Variants in ATP5F1C observed in about 807,000 individuals in gnomAD.
ATP5F1C encodes ATP synthase F(1) complex subunit gamma, mitochondrial.
Under a neutral mutation model 37.4 loss-of-function variants are expected in ATP5F1C, and 22 were observed. That is an observed-to-expected ratio of 0.59 (90% CI 0.42 to 0.84). The LOEUF is 0.84. Ranked by LOEUF, ATP5F1C falls within the 40% of genes least tolerant of loss-of-function variation. The probability of loss-of-function intolerance (pLI) is 0.00; values close to 1 mark genes in which losing one functional copy is unlikely to be tolerated. For missense variants in ATP5F1C, 286 were observed against 362.4 expected, an observed-to-expected ratio of 0.79 and a Z score of 1.71; for synonymous variants, 121 against 128.0, an observed-to-expected ratio of 0.95 and a Z score of 0.37.
chr10:7,805,076 C>T (rs565839245), intron 8 of ATP5F1C, among the ~76,000 whole-genome samples: 1 of 152,314 alleles, frequency 6.6e-6, no homozygotes, highest in East Asian at 1.9e-4. Context: ...CTAACCCATT[C>T]ACAGCCTGGT....
chr10:7,789,276 C>T lies in ATP5F1C; in HGVS notation c.56+1013C>T, dbSNP rs187545730. On this transcript the variant is annotated intron_variant, in intron 1 of 9. Coordinates refer to ENST00000356708, the MANE Select transcript of ATP5F1C (RefSeq NM_001001973.3). ...ATTTCTAAGGCGCTACAGTGCTAAA[C>T]TAGATTTTCGTATCCTAATTTATAT... Among the ~76,000 whole-genome samples the T allele has an allele frequency of 1.2e-4, 18 of 152,234 alleles. No individual in the cohort carries two copies. The East Asian group carries it at 3.3e-3, about 28-fold the overall frequency.
chr10:7,791,438 A>G (rs1436574290), intron 1 of ATP5F1C, among the ~76,000 whole-genome samples: 4 of 152,214 alleles, frequency 2.6e-5, no homozygotes, highest in African/African-American at 9.6e-5. Context: ...TTCGTTGAGA[A>G]TTAGCCAATA....
At position 7,792,214 on chromosome 10, in the gene ATP5F1C, C is replaced by T. The variant is rs191429470; in HGVS notation, c.57-3907C>T. The stretch of plus-strand genomic sequence containing the variant: ...TGTGCTCTGAAATAACAGAGCTTGT[C>T]AGGATTTGCCAGCTTTTATCTTTTC... On this transcript the variant is annotated intron_variant, in intron 1 of 9. Transcript: ENST00000356708. Among the ~76,000 whole-genome samples, 7 of 152,296 alleles carry T rather than the reference C, an allele frequency of 4.6e-5. No homozygotes were observed. The East Asian group carries it at 1.3e-3, about 29-fold the overall frequency.
In ATP5F1C at chr10:7,799,925, AT is replaced by A; in HGVS notation, c.572+13del. On this transcript the variant is annotated intron_variant, in intron 5 of 9. Coordinates refer to ENST00000356708, the MANE Select transcript of ATP5F1C (RefSeq NM_001001973.3). ...TCTTTAATAAATTCAGGCAAGACAG[AT>A]TTAGAAATCAAAGCTTTTTTATGTT... The A allele has an allele frequency of 6.2e-7, 1 of 1,608,190 alleles. No homozygotes were observed. The highest frequency in any genetic ancestry group is 8.5e-7 in the Non-Finnish European group (1 of 1,177,588).
At chr10:7,806,027 G>A (rs1137808) in intron 8 of ATP5F1C, among the ~76,000 whole-genome samples, 32,778 of 152,068 alleles carry the variant, frequency 0.22, 3,662 homozygotes, top group Admixed American at 0.26. Flanking sequence ...TTTAGGCTGC[G>A]GTGAGCTATG....
At chr10:7,789,429 C>T (rs1364223870) in intron 1 of ATP5F1C, among the ~76,000 whole-genome samples, 1 of 150,564 alleles carries the variant, frequency 6.6e-6, no homozygotes, top group Non-Finnish European at 1.5e-5. Flanking sequence ...GGTGGCTTGG[C>T]CTTGGAAGTC....
At chr10:7,798,533 A>C (rs1027248586) in intron 3 of ATP5F1C, among the ~76,000 whole-genome samples, 5 of 152,100 alleles carry the variant, frequency 3.3e-5, no homozygotes, top group African/African-American at 1.2e-4. Flanking sequence ...CAGCCTCCCA[A>C]GTAGCTGGGG....
chr10:7,797,431 C>T (rs1343711635), intron 3 of ATP5F1C, among the ~76,000 whole-genome samples: 1 of 152,164 alleles, frequency 6.6e-6, no homozygotes, highest in Non-Finnish European at 1.5e-5. Flanking sequence ...TGCCTAAGAT[C>T]ACATATAAAA....
chr10:7,799,081 T>C lies in ATP5F1C; in HGVS notation c.315T>C (p.Ala105=), dbSNP rs1280567672. The part of the protein sequence containing the change: ...GVSSDRGLCG[A]IHSSIAKQMK... ...CCTCAGATCGAGGACTGTGTGGTGC[T>C]ATTCATTCCTCCATTGCTAAACAGA... Residue 105 remains alanine, a synonymous_variant, in exon 4 of 10, where the codon GCT becomes GCC. Transcript: ENST00000356708. The C allele has an allele frequency of 1.9e-6, 3 of 1,613,608 alleles. No homozygotes were observed. The highest frequency in any genetic ancestry group is 2.5e-6 in the Non-Finnish European group (3 of 1,179,894).
chr10:7,802,690 A>T (rs908259723), intron 7 of ATP5F1C, 68 bp from the exon 8 acceptor site: 2 of 1,487,568 alleles, frequency 1.3e-6, no homozygotes, highest in African/African-American at 2.8e-5. Context: ...TAAGCAACAG[A>T]AGTTAGTTAA....
chr10:7,804,992 T>C (rs2131078016), intron 8 of ATP5F1C, among the ~76,000 whole-genome samples: 1 of 152,328 alleles, frequency 6.6e-6, no homozygotes. Context: ...TGTAAGTTGT[T>C]AGTTGGATCC....
intron 4 of ATP5F1C, 63 bp downstream of exon 4, chr10:7,799,257 A>G: frequency 1.3e-6 from 2 of 1,493,318 alleles, no homozygotes; most frequent in Non-Finnish European, 1.8e-6. Context: ...CTTCTCTCAA[A>G]AGTTTTGACA....
In ATP5F1C at chr10:7,799,065, G is replaced by A. The variant is rs779418514; in HGVS notation, c.299G>A (p.Arg100Gln). 3 of 1,613,230 alleles carry A rather than the reference G, an allele frequency of 1.9e-6. No homozygotes were observed. The highest frequency in any genetic ancestry group is 1.7e-6 in the Non-Finnish European group (2 of 1,179,882). The change falls in exon 4 of 10, where the codon CGA (arginine) becomes CAA (glutamine). Residue 100 changes from arginine (R) to glutamine (Q), a missense_variant. Physicochemically the swap from Arg to Gln is conservative, Grantham distance 43 (BLOSUM62 1). Transcript: ENST00000356708. ...CTCCTTATTGGTGTGTCCTCAGATC[G>A]AGGACTGTGTGGTGCTATTCATTCC... is the stretch of plus-strand genomic sequence containing the variant. ...KHLLIGVSSD[R>Q]GLCGAIHSSI...
At chr10:7,792,500 C>T (rs528883410) in intron 1 of ATP5F1C, among the ~76,000 whole-genome samples, 1 of 152,188 alleles carries the variant, frequency 6.6e-6, no homozygotes, top group Non-Finnish European at 1.5e-5. Flanking sequence ...CTTCACTGCC[C>T]TAAAAATCCC....
intron 1 of ATP5F1C, among the ~76,000 whole-genome samples, chr10:7,793,863 T>C (rs1439727070): frequency 2.6e-5 from 4 of 152,224 alleles, no homozygotes; most frequent in Non-Finnish European, 5.9e-5. Flanking sequence ...CCAGTGCCAT[T>C]TGTTTGTTGA....
At chr10:7,790,879 G>C (rs968410876) in intron 1 of ATP5F1C, among the ~76,000 whole-genome samples, 10 of 152,216 alleles carry the variant, frequency 6.6e-5, no homozygotes, top group African/African-American at 2.4e-4. Context: ...AAGCATGTAG[G>C]ACAATGGGGG....
chr10:7,806,177 C>T (rs1836476347), intron 8 of ATP5F1C, among the ~76,000 whole-genome samples: 1 of 152,160 alleles, frequency 6.6e-6, no homozygotes, highest in Non-Finnish European at 1.5e-5. Context: ...GGTTGGATTG[C>T]TTGTGAATGG....
At chr10:7,796,891 C>G in intron 2 of ATP5F1C, 156 bp from the exon 3 acceptor site, 1 of 837,840 alleles carries the variant, frequency 1.2e-6, no homozygotes, top group African/African-American at 1.7e-5. Flanking sequence ...GCTATTAGTA[C>G]TAGTTCTAAT....
rs183456368 is a variant in ATP5F1C at position 7,803,596 on chromosome 10, C to T, written c.890+742C>T. ...AGGGCCAACTATATACTGCTTTCCT[C>T]AAGAAAATTTCTTAGTTGTTGAAAA... On this transcript the variant is annotated intron_variant, in intron 8 of 9. Transcript: ENST00000356708. Among the ~76,000 whole-genome samples the T allele has an allele frequency of 2.6e-5, 4 of 152,076 alleles. No homozygotes were observed. In the East Asian group the frequency reaches 7.7e-4, roughly 29 times the overall value.
Sources: gnomAD v4.1 joint callset for allele counts (sites outside exome capture counted in the v4.1 genomes callset) on GRCh38, gnomAD v4.1.1 for gene constraint, MANE v1.5 for transcripts, NCBI Gene and HGNC (gene_info 2026-07-23, HGNC 2026-07-21) for gene names.